The following POM121C variants were observed in gnomAD, a reference collection of about 807,000 sequenced individuals.
POM121C encodes the protein POM121 transmembrane nucleoporin C.
Under a neutral mutation model 66.4 loss-of-function variants are expected in POM121C, and 20 were observed. The observed-to-expected ratio is 0.30, with a 90% CI of 0.21 to 0.44. POM121C has a LOEUF of 0.44. Ranked by LOEUF, POM121C falls within the 20% of genes least tolerant of loss-of-function variation. The probability of loss-of-function intolerance (pLI) is 1.00; values close to 1 mark genes in which losing one functional copy is unlikely to be tolerated. For synonymous variants in POM121C, 286 were observed against 528.0 expected, an observed-to-expected ratio of 0.54 and a Z score of 6.28; for missense variants, 580 against 1,225.7, an observed-to-expected ratio of 0.47 and a Z score of 7.87.
chr7:75,462,254 C>T lies in POM121C; in HGVS notation c.-152+12450G>A, dbSNP rs1406913144. Among the ~76,000 whole-genome samples, 7 of 151,472 alleles carry T rather than the reference C, an allele frequency of 4.6e-5. No homozygotes were observed. The East Asian group carries it at 5.9e-4, about 13-fold the overall frequency. The stretch of plus-strand genomic sequence containing the variant: ...AAGTGGCAGTTTCCCCTGCACTCTC[C>T]CCTCTCTCCTGCCAGCCAGTGAAGA... On this transcript the variant is annotated intron_variant, in intron 3 of 14. Coordinates refer to ENST00000615331, the MANE Select transcript of POM121C (RefSeq NM_001099415.3).
chr7:75,439,178 C>A lies in POM121C; in HGVS notation c.274G>T (p.Val92Leu), dbSNP rs1554473468. The part of the protein sequence containing the change: ...GSGHSAFEPL[V>L]ASGVPASFVP... ...AAAGAAGCGGGGACTCCACTGGCCA[C>A]CAGGGGCTCAAATGCTGAATGTCCA... is the stretch of plus-strand genomic sequence containing the variant. Residue 92 changes from valine (V) to leucine (L), a missense_variant, in exon 6 of 15, where the codon GTG becomes TTG. Physicochemically the swap from Val to Leu is conservative, Grantham distance 32 (BLOSUM62 1). Transcript: ENST00000615331. The A allele has an allele frequency of 6.2e-7, 1 of 1,614,260 alleles. No homozygotes were observed. The highest frequency in any genetic ancestry group is 1.7e-5 in the Admixed American group (1 of 60,034).
chr7:75,461,137 T>A (rs1460791159), intron 3 of POM121C, among the ~76,000 whole-genome samples: 1 of 151,892 alleles, frequency 6.6e-6, no homozygotes, highest in East Asian at 1.9e-4. Context: ...CAATCCCAGG[T>A]GACTGAGAGA....
chr7:75,483,612 T>C (rs1554480468), intron 1 of POM121C, among the ~76,000 whole-genome samples: 1 of 152,188 alleles, frequency 6.6e-6, no homozygotes, highest in Admixed American at 6.5e-5. Flanking sequence ...TATAGCAGTG[T>C]GAGAATGGAC....
intron 1 of POM121C, among the ~76,000 whole-genome samples, chr7:75,476,098 A>G (rs1554479311): frequency 6.6e-6 from 1 of 152,204 alleles, no homozygotes; most frequent in East Asian, 1.9e-4. Flanking sequence ...TGGGCAACAT[A>G]GTAAGAACCT....
At chr7:75,472,946 C>A (rs1305444524) in intron 3 of POM121C, among the ~76,000 whole-genome samples, 10 of 152,146 alleles carry the variant, frequency 6.6e-5, no homozygotes, top group Non-Finnish European at 1.2e-4. Flanking sequence ...GAAGATGGAT[C>A]CACTGTAATC....
chr7:75,466,395 CAGG>C lies in POM121C; in HGVS notation c.-152+8306_-152+8308del, dbSNP rs587667044. ...CTGAGGTGGGCAGATCTCTTAAGGC[CAGG>C]AGTTCAACACCAGCCTGGCCAACAT... On this transcript the variant is annotated intron_variant, in intron 3 of 14. Transcript: ENST00000615331. Among the ~76,000 whole-genome samples the C allele has an allele frequency of 3.9e-3, 592 of 151,814 alleles. 4 individuals are homozygous for C. Among genetic ancestry groups the C allele is most frequent in the African/African-American group, 0.014 (565 of 41,426 alleles).
chr7:75,483,821 C>G (rs1252000590), intron 1 of POM121C, among the ~76,000 whole-genome samples: 4 of 152,038 alleles, frequency 2.6e-5, no homozygotes, highest in African/African-American at 9.7e-5. Context: ...TGAATCCTGG[C>G]TGGGCTCGGT....
chr7:75,468,761 C>G (rs1357559123), intron 3 of POM121C, among the ~76,000 whole-genome samples: 1 of 152,170 alleles, frequency 6.6e-6, no homozygotes. Flanking sequence ...GTGGGTCATG[C>G]CTATAATCCC....
Position 75,441,614 on chromosome 7 carries a change from T to C in POM121C, c.-118A>G, listed in dbSNP as rs781934147. ...GGATCGGATAGCGTCTTCGAGGTGT[T>C]ATTACAAACCGATCTGGTAAAGTCC... On this transcript the variant is annotated 5_prime_UTR_variant, in exon 4 of 15. It adds an upstream start codon to the 5' untranslated region. Transcript: ENST00000615331. 6.4e-7 allele frequency: 1 copy of C among 1,573,800 alleles called. No individual in the cohort carries two copies. Among genetic ancestry groups the C allele is most frequent in the South Asian group, 1.2e-5 (1 of 86,886 alleles).
At chr7:75,451,026 A>T (rs1554475495) in intron 3 of POM121C, among the ~76,000 whole-genome samples, 1 of 152,206 alleles carries the variant, frequency 6.6e-6, no homozygotes, top group African/African-American at 2.4e-5. Context: ...AGGAAATAAG[A>T]GAGTACACAA....
At chr7:75,468,708 TCTAA>T (rs1554478215) in intron 3 of POM121C, among the ~76,000 whole-genome samples, 1 of 152,142 alleles carries the variant, frequency 6.6e-6, no homozygotes, top group African/African-American at 2.4e-5. Context: ...CATTTGGATA[TCTAA>T]CTAACACCTC....
chr7:75,467,381 A>C lies in POM121C; in HGVS notation c.-152+7323T>G, dbSNP rs587704131. ...CCCATCACTACTAAAAATACAAAAA[A>C]ATTAGCCGGGTGTGGTGGCACATGC... On this transcript the variant is annotated intron_variant, in intron 3 of 14. Transcript: ENST00000615331. Among the ~76,000 whole-genome samples the C allele has an allele frequency of 2.0e-5, 3 of 152,098 alleles. No individual in the cohort carries two copies. In the East Asian group the frequency reaches 5.8e-4, roughly 29 times the overall value.
intron 3 of POM121C, among the ~76,000 whole-genome samples, chr7:75,452,039 C>T (rs1791039970): frequency 6.6e-6 from 1 of 151,802 alleles, no homozygotes; most frequent in Non-Finnish European, 1.5e-5. Flanking sequence ...TGGTGGGCAC[C>T]TATAATCTCA....
rs1217176037 is a variant in POM121C, at chr7:75,422,160, A to G, written c.2092T>C (p.Tyr698His). The change falls in exon 13 of 15, where the codon TAT becomes CAT. Residue 698 changes from tyrosine to histidine, a missense_variant. By Grantham distance (83) the Tyr-to-His change is moderately conservative. Coordinates refer to ENST00000615331, the MANE Select transcript of POM121C (RefSeq NM_001099415.3). ...GSSAKSPLPS[Y>H]PGANPQPAFG... Reference sequence around the variant, plus strand: ...GCGGGCTGGGGGTTGGCTCCCGGATATGATGGGAGCGGGGACTTGGCGCTT... The same window carrying G: ...GCGGGCTGGGGGTTGGCTCCCGGATGTGATGGGAGCGGGGACTTGGCGCTT... 4.4e-6 allele frequency: 7 copies of G among 1,603,700 alleles called. No homozygotes were observed. Among genetic ancestry groups the G allele is most frequent in the Non-Finnish European group, 5.1e-6 (6 of 1,174,282 alleles).
At chr7:75,459,729 T>C (rs1791385753) in intron 3 of POM121C, among the ~76,000 whole-genome samples, 1 of 135,814 alleles carries the variant, frequency 7.4e-6, no homozygotes, top group South Asian at 2.4e-4. Flanking sequence ...AATATCTGGG[T>C]GAATATAATC....
At chr7:75,434,806 C>T (rs10249121) in intron 7 of POM121C, among the ~76,000 whole-genome samples, 11,483 of 151,942 alleles carry the variant, frequency 0.076, 1,424 homozygotes, top group African/African-American at 0.26. Context: ...TGGTCTCGAA[C>T]TCAGGTGATC....
chr7:75,424,751 G>T, intron 10 of POM121C, 123 bp from the exon 11 acceptor site: 2 of 1,401,088 alleles, frequency 1.4e-6, no homozygotes, highest in South Asian at 1.2e-5. Context: ...TTGAGGTCAG[G>T]AGTTTGAGGC....
intron 1 of POM121C, among the ~76,000 whole-genome samples, chr7:75,482,251 T>C (rs10265088): frequency 0.015 from 2,325 of 152,206 alleles, 18 homozygotes; most frequent in African/African-American, 0.025. Context: ...AGAAAGACAG[T>C]ATTATGGGTT....
At chr7:75,424,983 G>C in intron 10 of POM121C, 91 bp downstream of exon 10, 1 of 1,536,706 alleles carries the variant, frequency 6.5e-7, no homozygotes, top group Non-Finnish European at 8.7e-7. Context: ...AAATAAGTTA[G>C]AAAAAAAAAC....
Sources: gnomAD v4.1 joint callset for allele counts (sites outside exome capture counted in the v4.1 genomes callset) on GRCh38, gnomAD v4.1.1 for gene constraint, MANE v1.5 for transcripts, NCBI Gene and HGNC (gene_info 2026-07-23, HGNC 2026-07-21) for gene names.